The following WDR59 variants were observed in gnomAD, a reference collection of about 807,000 sequenced individuals.
The protein encoded by WDR59 is GATOR2 complex protein WDR59.
A neutral mutation model predicts 131.2 loss-of-function variants in WDR59; 100 were observed. That is an observed-to-expected ratio of 0.76 (90% CI 0.65 to 0.90). The LOEUF is 0.90. WDR59 is among the 40% of genes least tolerant of loss of function. The pLI, the probability that WDR59 is intolerant of heterozygous loss-of-function variation, is 0.00. For synonymous variants in WDR59, 601 were observed against 466.2 expected (o/e 1.29, Z -3.72); for missense variants, 1,203 against 1,262.2 (o/e 0.95, Z 0.71).
intron 13 of WDR59, among the ~76,000 whole-genome samples, chr16:74,912,620 T>C (rs1263897775): frequency 1.3e-5 from 2 of 152,192 alleles, no homozygotes; most frequent in Non-Finnish European, 2.9e-5. Context: ...AAACCAGCAG[T>C]GCCAGAAGAA....
intron 11 of WDR59, 110 bp downstream of exon 11, chr16:74,917,808 CAAAAAAAAAAA>C: frequency 2.3e-6 from 1 of 429,716 alleles, no homozygotes; most frequent in Non-Finnish European, 3.7e-6. Flanking sequence ...GACGCACTCT[CAAAAAAAAAAA>C]AAAAAAAAAA....
chr16:74,911,821 T>G (rs1190224412), intron 14 of WDR59, among the ~76,000 whole-genome samples: 2 of 152,226 alleles, frequency 1.3e-5, no homozygotes, highest in Non-Finnish European at 1.5e-5. Flanking sequence ...TAAATGAAAT[T>G]GGATTGCAAA....
chr16:74,938,368 AC>A, intron 7 of WDR59, 102 bp from the exon 8 acceptor site: 2 of 722,424 alleles, frequency 2.8e-6, no homozygotes, highest in Non-Finnish European at 2.1e-6. Context: ...CAAAAATACT[AC>A]CAGATACTGT....
intron 10 of WDR59, among the ~76,000 whole-genome samples, chr16:74,921,355 G>A (rs2144999194): frequency 6.6e-6 from 1 of 152,168 alleles, no homozygotes; most frequent in East Asian, 1.9e-4. Context: ...TACTGGCCAG[G>A]CAGTTCCAAT....
intron 4 of WDR59, among the ~76,000 whole-genome samples, chr16:74,950,539 G>C (rs1597783993): frequency 6.6e-6 from 1 of 152,280 alleles, no homozygotes; most frequent in East Asian, 1.9e-4. Flanking sequence ...CCCTACCCAT[G>C]TTCTCCTTCC....
At position 74,956,538 on chromosome 16, in the gene WDR59, T is replaced by C. The variant is rs1435875559; in HGVS notation, c.177A>G (p.Lys59=). 1.9e-6 allele frequency: 3 copies of C among 1,613,952 alleles called. No individual in the cohort carries two copies. The African/African-American group carries it at 4.0e-5, about 22-fold the overall frequency. Residue 59 remains lysine (K), a synonymous_variant, in exon 3 of 26, where the codon AAA becomes AAG. Coordinates refer to ENST00000262144, the MANE Select transcript of WDR59 (RefSeq NM_030581.4). ...TCCACTGCACAGCTCCAATGTCCCA[T>C]TTGCTCTGGCGAGAGATCTTTCGGT... ...EGHRKISRQS[K]WDIGAVQWNP...
chr16:74,964,110 G>A (rs980823324), intron 2 of WDR59, among the ~76,000 whole-genome samples: 1 of 152,112 alleles, frequency 6.6e-6, no homozygotes, highest in Non-Finnish European at 1.5e-5. Flanking sequence ...GCCAAGCACG[G>A]TGGCTCACAC....
At chr16:74,946,106 A>G (rs570174510) in intron 6 of WDR59, among the ~76,000 whole-genome samples, 80 of 151,988 alleles carry the variant, frequency 5.3e-4, no homozygotes, top group Non-Finnish European at 8.7e-4. Flanking sequence ...GAGCCACCAC[A>G]CCCGGCCACA....
intron 7 of WDR59, among the ~76,000 whole-genome samples, chr16:74,941,418 G>A (rs1039972023): frequency 6.6e-6 from 1 of 151,868 alleles, no homozygotes; most frequent in Non-Finnish European, 1.5e-5. Context: ...ATGTGGCCAG[G>A]CGTGGTGGCT....
chr16:74,884,191 C>T (rs1028236039), intron 25 of WDR59, among the ~76,000 whole-genome samples: 13 of 152,318 alleles, frequency 8.5e-5, no homozygotes, highest in South Asian at 4.1e-4. Context: ...TGCCTCTGAC[C>T]GCTACAACGT....
At chr16:74,965,993 A>G (rs2033760204) in intron 1 of WDR59, among the ~76,000 whole-genome samples, 171 bp from the exon 2 acceptor site, 1 of 152,122 alleles carries the variant, frequency 6.6e-6, no homozygotes, top group South Asian at 2.1e-4. Context: ...TTACAACCCA[A>G]TTCCACATTC....
At chr16:74,885,250 C>T (rs975867790) in intron 25 of WDR59, among the ~76,000 whole-genome samples, 5 of 151,682 alleles carry the variant, frequency 3.3e-5, no homozygotes, top group South Asian at 4.2e-4. Context: ...GTCAGGAGTT[C>T]GAGACCAGCC....
intron 24 of WDR59, 41 bp downstream of exon 24, chr16:74,886,229 G>A: frequency 6.4e-7 from 1 of 1,550,874 alleles, no homozygotes. Flanking sequence ...AGTCCTGCCT[G>A]GAGTCCTGGC....
intron 25 of WDR59, among the ~76,000 whole-genome samples, chr16:74,883,308 T>C (rs542901890): frequency 3.5e-4 from 53 of 151,960 alleles, no homozygotes; most frequent in African/African-American, 1.3e-3. Context: ...CAGGCGTGAG[T>C]CACCGTACCC....
At chr16:74,884,191 C>G (rs1028236039) in intron 25 of WDR59, among the ~76,000 whole-genome samples, 3 of 152,200 alleles carry the variant, frequency 2.0e-5, no homozygotes. Context: ...TGCCTCTGAC[C>G]GCTACAACGT....
intron 13 of WDR59, 126 bp downstream of exon 13, chr16:74,915,744 A>G (rs1966336988): frequency 7.0e-7 from 1 of 1,431,856 alleles, no homozygotes; most frequent in East Asian, 2.3e-5. Context: ...GGAAATAAAA[A>G]AGCAAGCAGA....
At chr16:74,940,522 T>C (rs2032134943) in intron 7 of WDR59, among the ~76,000 whole-genome samples, 2 of 152,176 alleles carry the variant, frequency 1.3e-5, no homozygotes, top group African/African-American at 4.8e-5. Context: ...GTTAATATGA[T>C]AGTCATACAT....
At chr16:74,983,386 T>A (rs2034502079) in intron 1 of WDR59, among the ~76,000 whole-genome samples, 1 of 151,692 alleles carries the variant, frequency 6.6e-6, no homozygotes, top group Non-Finnish European at 1.5e-5. Flanking sequence ...GGCACAAGAA[T>A]CGTTTGAACC....
intron 3 of WDR59, among the ~76,000 whole-genome samples, chr16:74,955,960 A>G (rs116596705): frequency 2.9e-3 from 428 of 149,992 alleles, no homozygotes; most frequent in African/African-American, 9.6e-3. Context: ...TTCCCTAGGG[A>G]AAAAAAAAAT....
Sources: allele counts gnomAD v4.1 joint callset (sites outside exome capture counted in the v4.1 genomes callset), GRCh38; gene constraint gnomAD v4.1.1; transcripts MANE v1.5; gene names NCBI Gene and HGNC (gene_info 2026-07-23, HGNC 2026-07-21).